The following NELL1 variants were observed in gnomAD, a reference collection of about 807,000 sequenced individuals.
NELL1 encodes neural EGFL like 1, also known as protein kinase C-binding protein NELL1.
Under a neutral mutation model 107.4 loss-of-function variants are expected in NELL1, and 76 were observed. That is an observed-to-expected ratio of 0.71 (90% CI 0.59 to 0.86). The LOEUF (loss-of-function observed/expected upper bound fraction) is 0.86. NELL1 is among the 40% of genes least tolerant of loss of function. The pLI is 0.00. For synonymous variants in NELL1, 353 were observed against 341.2 expected (o/e 1.03, Z -0.38); for missense variants, 1,024 against 1,005.5 (o/e 1.02, Z -0.25).
intron 2 of NELL1, among the ~76,000 whole-genome samples, chr11:20,719,654 C>G (rs942101903): frequency 2.0e-5 from 3 of 152,212 alleles, no homozygotes; most frequent in Admixed American, 6.5e-5. Flanking sequence ...CCATTATAGT[C>G]TTGAAAAACT....
chr11:21,120,426 T>C (rs1855339666), intron 13 of NELL1, among the ~76,000 whole-genome samples: 1 of 152,128 alleles, frequency 6.6e-6, no homozygotes, highest in Non-Finnish European at 1.5e-5. Context: ...CCACATGAAA[T>C]GGAACTAAAA....
In NELL1 at chr11:21,455,502, T is replaced by C. The variant is rs138746705; in HGVS notation, c.1646-78872T>C. Among the ~76,000 whole-genome samples, 774 of 151,982 alleles carry C rather than the reference T, an allele frequency of 5.1e-3. 6 individuals are homozygous for C. The highest frequency in any genetic ancestry group is 0.016 in the African/African-American group (677 of 41,452). On this transcript the variant is annotated intron_variant, in intron 15 of 19. Coordinates refer to ENST00000357134, the MANE Select transcript of NELL1 (RefSeq NM_006157.5). ...GCATGTCACCACACTTGGTTAATTT[T>C]TAAAATGTTTTTGTATAGACAGAGT...
chr11:21,020,595 C>T (rs746391521), intron 12 of NELL1, among the ~76,000 whole-genome samples: 2 of 151,780 alleles, frequency 1.3e-5, no homozygotes, highest in Non-Finnish European at 2.9e-5. Context: ...ATTAGCCTAA[C>T]CCAAGATGTG....
At chr11:21,204,113 T>C (rs1258010958) in intron 13 of NELL1, among the ~76,000 whole-genome samples, 2 of 152,140 alleles carry the variant, frequency 1.3e-5, no homozygotes, top group Admixed American at 1.3e-4. Context: ...TCGAAGAGTA[T>C]TTTTGTGGTG....
chr11:20,969,675 A>G (rs116607306), intron 12 of NELL1, among the ~76,000 whole-genome samples: 5,623 of 151,988 alleles, frequency 0.037, 118 homozygotes, highest in East Asian at 0.08. Flanking sequence ...AGAACAAAGC[A>G]AAAAACATTG....
chr11:21,154,249 A>G (rs572229427), intron 13 of NELL1, among the ~76,000 whole-genome samples: 1 of 152,312 alleles, frequency 6.6e-6, no homozygotes, highest in African/African-American at 2.4e-5. Context: ...CCATTTATAG[A>G]TCTACTGAAA....
intron 5 of NELL1, among the ~76,000 whole-genome samples, chr11:20,892,028 A>G (rs1186117993): frequency 6.6e-6 from 1 of 152,246 alleles, no homozygotes; most frequent in Non-Finnish European, 1.5e-5. Context: ...GTAGATGTCT[A>G]CAGAACTCTC....
intron 12 of NELL1, among the ~76,000 whole-genome samples, chr11:20,962,324 A>G (rs1438330302): frequency 1.2e-4 from 19 of 152,200 alleles, no homozygotes; most frequent in African/African-American, 4.3e-4. Flanking sequence ...ACTATTTACC[A>G]TGGAAAAATC....
chr11:21,138,551 C>T (rs1855795228), intron 13 of NELL1, among the ~76,000 whole-genome samples: 2 of 152,080 alleles, frequency 1.3e-5, no homozygotes, highest in African/African-American at 4.8e-5. Context: ...AAAGTCTGCC[C>T]CCTACCTTGC....
At chr11:20,852,182 T>C (rs1399438227) in intron 4 of NELL1, among the ~76,000 whole-genome samples, 2 of 151,914 alleles carry the variant, frequency 1.3e-5, no homozygotes, top group Non-Finnish European at 2.9e-5. Context: ...CTTGTTCAAA[T>C]GTGTATGGCA....
intron 12 of NELL1, among the ~76,000 whole-genome samples, chr11:21,011,409 A>ATCCAACTT (rs1852443835): frequency 6.6e-6 from 1 of 152,160 alleles, no homozygotes; most frequent in Non-Finnish European, 1.5e-5. Flanking sequence ...CAGAGAGAGA[A>ATCCAACTT]GAGGAAGAAA....
chr11:21,434,447 T>C (rs567462573), intron 15 of NELL1, among the ~76,000 whole-genome samples: 3 of 152,168 alleles, frequency 2.0e-5, no homozygotes, highest in African/African-American at 7.2e-5. Context: ...TTGAACAGGG[T>C]GCCCTTTACC....
intron 15 of NELL1, among the ~76,000 whole-genome samples, chr11:21,419,403 C>A (rs988729062): frequency 6.6e-6 from 1 of 152,080 alleles, no homozygotes; most frequent in Non-Finnish European, 1.5e-5. Context: ...TGTAATAATG[C>A]TAGCCTGCAC....
At chr11:21,226,913 A>G (rs1857908052) in intron 13 of NELL1, among the ~76,000 whole-genome samples, 1 of 152,218 alleles carries the variant, frequency 6.6e-6, no homozygotes, top group Non-Finnish European at 1.5e-5. Flanking sequence ...TGGGTCAACG[A>G]AACAACATGA....
chr11:21,456,372 C>G (rs1853735840), intron 15 of NELL1, among the ~76,000 whole-genome samples: 1 of 151,934 alleles, frequency 6.6e-6, no homozygotes, highest in Non-Finnish European at 1.5e-5. Context: ...GGGTTTTCAT[C>G]CATTACAGAG....
At chr11:21,016,837 C>T (rs1432045570) in intron 12 of NELL1, among the ~76,000 whole-genome samples, 2 of 151,986 alleles carry the variant, frequency 1.3e-5, no homozygotes, top group African/African-American at 2.4e-5. Flanking sequence ...TCTCTTTTTT[C>T]CCCCTAACTT....
At chr11:21,260,058 T>A (rs1394964554) in intron 14 of NELL1, 1 of 151,886 alleles carries the variant, frequency 6.6e-6, no homozygotes, top group East Asian at 1.9e-4. Flanking sequence ...CTAGATGTGG[T>A]GGATATAGCA....
intron 5 of NELL1, among the ~76,000 whole-genome samples, chr11:20,907,594 G>A (rs906234333): frequency 6.6e-6 from 1 of 152,250 alleles, no homozygotes; most frequent in African/African-American, 2.4e-5. Context: ...GGGAAAATAA[G>A]TGTTGGTGAG....
intron 12 of NELL1, among the ~76,000 whole-genome samples, chr11:21,021,857 A>G (rs1455296336): frequency 6.6e-6 from 1 of 152,154 alleles, no homozygotes; most frequent in Non-Finnish European, 1.5e-5. Context: ...CCTTGGCAGC[A>G]GACTTTCTCT....
Sources: allele counts gnomAD v4.1 joint callset (sites outside exome capture counted in the v4.1 genomes callset), GRCh38; gene constraint gnomAD v4.1.1; transcripts MANE v1.5; gene names NCBI Gene and HGNC (gene_info 2026-07-23, HGNC 2026-07-21).